Variants in LAMB1 observed in about 807,000 individuals in gnomAD.
LAMB1 encodes the protein laminin subunit beta-1.
In LAMB1, 121 loss-of-function variants were observed where a neutral mutation model predicts 222.3. The observed-to-expected ratio is 0.54, with a 90% CI of 0.47 to 0.63. The LOEUF is 0.63. Among genes scored for constraint, LAMB1 ranks in the 30% least tolerant of loss-of-function variants. LAMB1 has a pLI of 0.00. For synonymous variants in LAMB1, 794 were observed against 807.2 expected, an observed-to-expected ratio of 0.98 and a Z score of 0.28; for missense variants, 2,172 against 2,240.8, an observed-to-expected ratio of 0.97 and a Z score of 0.62.
intron 21 of LAMB1, among the ~76,000 whole-genome samples, 199 bp from the exon 22 acceptor site, chr7:107,953,953 G>A (rs1298414849): frequency 6.6e-6 from 1 of 152,136 alleles, no homozygotes; most frequent in African/African-American, 2.4e-5. Context: ...ATTACTTTCA[G>A]TGGCAAAAAC....
chr7:107,937,718 A>C (rs1480343853), intron 25 of LAMB1, among the ~76,000 whole-genome samples: 1 of 152,222 alleles, frequency 6.6e-6, no homozygotes, highest in African/African-American at 2.4e-5. Context: ...ATCTCCTTCA[A>C]GATGGAACAT....
At position 107,924,259 on chromosome 7, in the gene LAMB1, T is replaced by C. The variant is rs2032507339; in HGVS notation, c.5195A>G (p.Gln1732Arg). The change falls in exon 33 of 34, where the codon CAA (glutamine) becomes CGA (arginine). Residue 1732 changes from glutamine to arginine, a missense_variant. Transcript: ENST00000222399. Reference sequence around the variant, plus strand: ...GAGCAGTTGCAGCTTGCTATTTGCTTGAGCTAAAAGAGTTTTTGCTTCATT... The same window carrying C: ...GAGCAGTTGCAGCTTGCTATTTGCTCGAGCTAAAAGAGTTTTTGCTTCATT... ...LQNEAKTLLAQANSKLQLLKD... is the reference protein window; with the variant it reads ...LQNEAKTLLARANSKLQLLKD... The C allele has an allele frequency of 6.2e-7, 1 of 1,611,878 alleles. No individual in the cohort carries two copies. The highest frequency in any genetic ancestry group is 1.1e-5 in the South Asian group (1 of 90,354).
At chr7:107,950,111 C>T (rs4642567) in intron 24 of LAMB1, among the ~76,000 whole-genome samples, 10,075 of 151,974 alleles carry the variant, frequency 0.066, 1,109 homozygotes, top group African/African-American at 0.23. Flanking sequence ...TTGCCTGTAA[C>T]TCCAGTTATT....
intron 24 of LAMB1, among the ~76,000 whole-genome samples, chr7:107,944,087 A>G (rs577627332): frequency 6.6e-6 from 1 of 152,324 alleles, no homozygotes; most frequent in East Asian, 1.9e-4. Context: ...ATATGCTTAT[A>G]GTTTGCTTAG....
In LAMB1 at chr7:107,940,192, C is replaced by G; in HGVS notation, c.3558G>C (p.Trp1186Cys). The part of the protein sequence containing the change: ...CTPCHQCFAL[W>C]DVIIAELTNR... ...TGGTCAGCTCGGCAATGATCACATC[C>G]CAGAGAGCAAAGCACTGGTGGCAGG... Residue 1186 changes from tryptophan to cysteine, a missense_variant, in exon 25 of 34, where the codon TGG becomes TGC. Physicochemically the swap from Trp to Cys is radical, Grantham distance 215 (BLOSUM62 -2). Transcript: ENST00000222399. 1 of 1,614,138 alleles carries G rather than the reference C, an allele frequency of 6.2e-7. No individual in the cohort carries two copies. The highest frequency in any genetic ancestry group is 8.5e-7 in the Non-Finnish European group (1 of 1,180,034).
chr7:107,928,809 A>G (rs1035942753), intron 31 of LAMB1, among the ~76,000 whole-genome samples: 8 of 152,206 alleles, frequency 5.3e-5, no homozygotes, highest in African/African-American at 1.9e-4. Context: ...AGAAGTTTTT[A>G]TCTTTCTCAG....
chr7:107,923,948 C>CTGTT lies in LAMB1; in HGVS notation c.5360_*2dup. Reference sequence around the variant, plus strand: ...CACCTCAGCCATTTTTTATTCTCCTCTGTTACAAGCATGTGCTATACACAG... The same window carrying CTGTT: ...CACCTCAGCCATTTTTTATTCTCCTCTGTTTGTTACAAGCATGTGCTATACACAG... On this transcript the variant is annotated 3_prime_UTR_variant, in exon 34 of 34. Coordinates refer to ENST00000222399, the MANE Select transcript of LAMB1 (RefSeq NM_002291.3). 6.2e-7 allele frequency: 1 copy of CTGTT among 1,603,084 alleles called. No homozygotes were observed.
intron 13 of LAMB1, 140 bp from the exon 14 acceptor site, chr7:107,964,827 G>T: frequency 2.1e-6 from 2 of 971,182 alleles, no homozygotes; most frequent in Non-Finnish European, 3.0e-6. Flanking sequence ...AAATACATAT[G>T]TGGAAAAAAG....
intron 20 of LAMB1, among the ~76,000 whole-genome samples, chr7:107,957,266 C>G (rs1584505434): frequency 6.6e-6 from 1 of 152,304 alleles, no homozygotes. Context: ...TGGCCTGTGC[C>G]TGTAATCCCA....
intron 31 of LAMB1, among the ~76,000 whole-genome samples, chr7:107,928,696 T>C (rs567764992): frequency 1.3e-5 from 2 of 152,352 alleles, no homozygotes; most frequent in East Asian, 3.9e-4. Context: ...TTTTGCCATG[T>C]TGGCCACGCT....
At chr7:107,988,466 G>T (rs2034122420) in intron 5 of LAMB1, among the ~76,000 whole-genome samples, 1 of 152,182 alleles carries the variant, frequency 6.6e-6, no homozygotes, top group African/African-American at 2.4e-5. Flanking sequence ...AAAAGGAATG[G>T]GTAAGATAAA....
chr7:107,969,179 T>G (rs2033694021), intron 13 of LAMB1, among the ~76,000 whole-genome samples: 2 of 151,974 alleles, frequency 1.3e-5, no homozygotes, highest in Admixed American at 1.3e-4. Flanking sequence ...TCCCAGCTAC[T>G]TGGGAGGCTG....
At position 107,955,287 on chromosome 7, in the gene LAMB1, A is replaced by G. The variant is rs41281048; in HGVS notation, c.2854+180T>C. Among the ~76,000 whole-genome samples the G allele has an allele frequency of 0.018, 2,784 of 152,350 alleles. 41 individuals are homozygous for G. The highest frequency in any genetic ancestry group is 0.031 in the Middle Eastern group (9 of 294). On this transcript the variant is annotated intron_variant, in intron 21 of 33. Transcript: ENST00000222399. ...TTATAACGTTCTTATCAGAGACTCA[A>G]TATGAATTGACTCCACTCCATGTGC...
chr7:107,988,727 G>A (rs764252918), intron 5 of LAMB1, among the ~76,000 whole-genome samples: 1 of 152,084 alleles, frequency 6.6e-6, no homozygotes, highest in Non-Finnish European at 1.5e-5. Context: ...TCATATGTCT[G>A]GTGTCCTTAT....
intron 4 of LAMB1, 126 bp from the exon 5 acceptor site, chr7:107,995,086 T>C (rs2034259069): frequency 7.0e-6 from 4 of 575,432 alleles, no homozygotes; most frequent in Non-Finnish European, 1.2e-5. Context: ...CATTCTACCT[T>C]AAGCTGAAGC....
chr7:108,002,965 T>C lies in LAMB1; in HGVS notation c.-80A>G. On this transcript the variant is annotated 5_prime_UTR_variant, in exon 2 of 34. Transcript: ENST00000222399. ...GAGCCGCCTGCCCTTTCTTCCCGTC[T>C]TCCTTTCTGGAGAGGTGGAAAGGAG... 6.2e-7 allele frequency: 1 copy of C among 1,606,198 alleles called. No homozygotes were observed. The highest frequency in any genetic ancestry group is 1.1e-5 in the South Asian group (1 of 90,046).
intron 18 of LAMB1, among the ~76,000 whole-genome samples, chr7:107,960,050 T>C (rs1417559353): frequency 1.3e-5 from 2 of 152,182 alleles, no homozygotes; most frequent in South Asian, 4.1e-4. Flanking sequence ...TCCCCTTGCC[T>C]TCAAAGCTCA....
At chr7:107,942,861 A>G (rs1033132400) in intron 24 of LAMB1, 3 of 152,364 alleles carry the variant, frequency 2.0e-5, no homozygotes, top group Non-Finnish European at 2.9e-5. Flanking sequence ...GTATTTGCCA[A>G]TAACGTCATG....
At chr7:107,925,777 C>T (rs2032547790) in intron 32 of LAMB1, among the ~76,000 whole-genome samples, 1 of 151,786 alleles carries the variant, frequency 6.6e-6, no homozygotes, top group African/African-American at 2.4e-5. Flanking sequence ...TTCTCTGTTC[C>T]AACCTGCTTG....
Sources: gnomAD v4.1 joint callset for allele counts (sites outside exome capture counted in the v4.1 genomes callset) on GRCh38, gnomAD v4.1.1 for gene constraint, MANE v1.5 for transcripts, NCBI Gene and HGNC (gene_info 2026-07-23, HGNC 2026-07-21) for gene names.